Variants in SCRG1 observed in about 807,000 individuals in gnomAD.
SCRG1 encodes scrapie-responsive protein 1.
Under a neutral mutation model 7.7 loss-of-function variants are expected in SCRG1, and 3 were observed. That is an observed-to-expected ratio of 0.39 (90% CI 0.18 to 1.01). The LOEUF is 1.01. Ranked by LOEUF, SCRG1 falls within the 50% of genes least tolerant of loss-of-function variation. SCRG1 has a pLI of 0.36. For missense variants in SCRG1, 110 were observed against 117.2 expected (o/e 0.94, Z 0.28); for synonymous variants, 46 against 41.2 (o/e 1.12, Z -0.44).
chr4:173,440,079 A>G, the SCRG1 span, among the ~76,000 whole-genome samples: 1 of 152,108 alleles, frequency 6.6e-6, no homozygotes, highest in African/African-American at 2.4e-5. Context: ...ATTTAAGCAA[A>G]CTCAGTTTCT....
the SCRG1 span, among the ~76,000 whole-genome samples, chr4:173,433,886 T>G: frequency 6.6e-6 from 1 of 152,230 alleles, no homozygotes; most frequent in East Asian, 1.9e-4. Context: ...GTCCCTACTC[T>G]ATGAGGCTCT....
At chr4:173,389,430 A>G (rs1739354460) in intron 2 of SCRG1, among the ~76,000 whole-genome samples, 1 of 152,068 alleles carries the variant, frequency 6.6e-6, no homozygotes, top group African/African-American at 2.4e-5. Context: ...CAGCTACTCG[A>G]GAGGCTGAGG....
chr4:173,435,248 G>C, the SCRG1 span, among the ~76,000 whole-genome samples: 1 of 152,120 alleles, frequency 6.6e-6, no homozygotes, highest in East Asian at 1.9e-4. Flanking sequence ...TCCTGGCAGG[G>C]GGCAGTTGGG....
the SCRG1 span, among the ~76,000 whole-genome samples, chr4:173,439,505 AC>A: frequency 1.5e-5 from 1 of 65,238 alleles, no homozygotes; most frequent in Admixed American, 2.2e-4. Flanking sequence ...ACAGAGAGAG[AC>A]CCTGTTTAAA....
the SCRG1 span, among the ~76,000 whole-genome samples, chr4:173,423,346 T>C: frequency 2.6e-5 from 4 of 152,302 alleles, no homozygotes; most frequent in African/African-American, 9.6e-5. Context: ...GTCATTATTG[T>C]TTTTCTAGAG....
chr4:173,495,219 CAA>C, the SCRG1 span, among the ~76,000 whole-genome samples: 1 of 152,180 alleles, frequency 6.6e-6, no homozygotes, highest in African/African-American at 2.4e-5. Context: ...AAATGGTAAT[CAA>C]GTTATCATTA....
At chr4:173,447,650 C>T in the SCRG1 span, among the ~76,000 whole-genome samples, 1 of 152,154 alleles carries the variant, frequency 6.6e-6, no homozygotes, top group Admixed American at 6.5e-5. Flanking sequence ...ACAAGACAAT[C>T]AGGATCTGGC....
At chr4:173,511,286 A>G in the SCRG1 span, among the ~76,000 whole-genome samples, 2 of 152,080 alleles carry the variant, frequency 1.3e-5, no homozygotes, top group Non-Finnish European at 2.9e-5. This position sits in a 1 kb window ranked among gnomAD's most constrained non-coding sequence, Gnocchi z 5.2. Flanking sequence ...GGTGGAAAAC[A>G]TTAGCTTCTA....
the SCRG1 span, among the ~76,000 whole-genome samples, chr4:173,456,586 T>C: frequency 6.6e-6 from 1 of 152,190 alleles, no homozygotes; most frequent in Non-Finnish European, 1.5e-5. Context: ...ACCTCAAACT[T>C]TTTGTTATGT....
At chr4:173,454,180 T>C in the SCRG1 span, among the ~76,000 whole-genome samples, 83,567 of 151,766 alleles carry the variant, frequency 0.55, 24,468 homozygotes, top group Non-Finnish European at 0.67. Flanking sequence ...GAGATCGCTT[T>C]TACTTATTCA....
chr4:173,424,728 G>C, the SCRG1 span, among the ~76,000 whole-genome samples: 2 of 152,084 alleles, frequency 1.3e-5, no homozygotes, highest in Non-Finnish European at 2.9e-5. Flanking sequence ...GGCCAACATG[G>C]TGAAACTCTG....
the SCRG1 span, among the ~76,000 whole-genome samples, chr4:173,460,431 A>T: frequency 1.3e-5 from 2 of 152,152 alleles, no homozygotes; most frequent in African/African-American, 4.8e-5. Flanking sequence ...AGGAGAGGAG[A>T]GGGAAGAATG....
the SCRG1 span, among the ~76,000 whole-genome samples, chr4:173,423,995 A>C: frequency 6.6e-6 from 1 of 151,886 alleles, no homozygotes; most frequent in African/African-American, 2.4e-5. Flanking sequence ...TAACTAACCC[A>C]CTCCCCCAAC....
chr4:173,429,020 C>T, the SCRG1 span, among the ~76,000 whole-genome samples: 2 of 152,020 alleles, frequency 1.3e-5, no homozygotes, highest in Non-Finnish European at 2.9e-5. Flanking sequence ...CTAAATTGAT[C>T]AAATTGAAAG....
the SCRG1 span, among the ~76,000 whole-genome samples, chr4:173,442,372 G>A: frequency 1.3e-5 from 2 of 152,148 alleles, no homozygotes; most frequent in East Asian, 3.9e-4. Context: ...TCACTGCTGG[G>A]GCAAATACAT....
At position 173,391,517 on chromosome 4, in the gene SCRG1, C is replaced by A. The variant is rs889120351; in HGVS notation, c.-14-89G>T. 15 of 1,335,172 alleles carry A rather than the reference C, an allele frequency of 1.1e-5. 1 individual carries two copies. Among genetic ancestry groups the A allele is most frequent in the Non-Finnish European group, 1.4e-5 (13 of 959,792 alleles). The allele number at this position is 1,335,172 out of a possible 1,614,324, so 82.7% of individuals were successfully genotyped here. A position where few individuals can be genotyped will look rare whatever the true frequency, so the allele number is the denominator to read the frequency against. On this transcript the variant is annotated intron_variant, in intron 1 of 2. Transcript: ENST00000296506. ...TGAAGTTCTGTAGCATGCTTATAAA[C>A]CCTTGGATAGAAAGAATGGGAGTTG...
In SCRG1 at chr4:173,388,032, A is replaced by G. The variant is rs1357059098; in HGVS notation, c.*309T>C. On this transcript the variant is annotated 3_prime_UTR_variant, in exon 3 of 3. Coordinates refer to ENST00000296506, the MANE Select transcript of SCRG1 (RefSeq NM_007281.4). ...CAACTAAGGACTGAAAGTATTTTCA[A>G]TCCTTGAGCCATGCCTATGGCTCTT... The G allele has an allele frequency of 1.6e-5, 4 of 256,134 alleles. No homozygotes were observed. Among genetic ancestry groups the G allele is most frequent in the Non-Finnish European group, 2.9e-5 (4 of 136,890 alleles). The allele number at this position is 256,134 out of a possible 1,614,324, so 15.9% of individuals were successfully genotyped here. A position where few individuals can be genotyped will look rare whatever the true frequency, so the allele number is the denominator to read the frequency against.
At chr4:173,470,782 G>A in the SCRG1 span, among the ~76,000 whole-genome samples, 4 of 152,110 alleles carry the variant, frequency 2.6e-5, no homozygotes, top group South Asian at 2.1e-4. Flanking sequence ...ACATATGTTC[G>A]TAGTTTAGTG....
intron 2 of SCRG1, among the ~76,000 whole-genome samples, chr4:173,389,316 C>T (rs1355880438): frequency 1.3e-5 from 2 of 152,076 alleles, no homozygotes; most frequent in African/African-American, 2.4e-5. Context: ...GGGCAGATCA[C>T]GAGGTCAGGA....
Sources: gnomAD v4.1 joint callset for allele counts (sites outside exome capture counted in the v4.1 genomes callset) on GRCh38, gnomAD v4.1.1 for gene constraint, Gnocchi (gnomAD v3.1) non-coding constraint, MANE v1.5 for transcripts, NCBI Gene and HGNC (gene_info 2026-07-23, HGNC 2026-07-21) for gene names.